TNNI3K: variants seen among roughly 807,000 people sequenced by gnomAD.
TNNI3K encodes TNNI3 interacting kinase.
In TNNI3K, 140 loss-of-function variants were observed where a neutral mutation model predicts 114.5. The observed-to-expected ratio is 1.22, with a 90% CI of 1.07 to 1.41. The LOEUF (loss-of-function observed/expected upper bound fraction) is 1.41, where lower values mean the gene tolerates loss of function less well. TNNI3K is among the 40% of genes most tolerant of loss of function. The probability of loss-of-function intolerance (pLI) is 0.00; values close to 1 mark genes in which losing one functional copy is unlikely to be tolerated. For missense variants in TNNI3K, 1,125 were observed against 1,007.6 expected, an observed-to-expected ratio of 1.12 and a Z score of -1.58; for synonymous variants, 347 against 347.5, an observed-to-expected ratio of 1.00 and a Z score of 0.02.
chr1:74,357,529 T>TA (rs1661729869), intron 11 of TNNI3K, among the ~76,000 whole-genome samples: 1 of 152,150 alleles, frequency 6.6e-6, no homozygotes. Context: ...CTGGAAGAGT[T>TA]ATATATTCTC....
At chr1:74,361,458 A>C (rs2100499884) in intron 11 of TNNI3K, among the ~76,000 whole-genome samples, 1 of 152,216 alleles carries the variant, frequency 6.6e-6, no homozygotes, top group South Asian at 2.1e-4. Context: ...AAAGTAAATA[A>C]TATTTCTTTT....
At chr1:74,318,079 G>A (rs1659416677) in intron 5 of TNNI3K, among the ~76,000 whole-genome samples, 1 of 152,166 alleles carries the variant, frequency 6.6e-6, no homozygotes, top group Non-Finnish European at 1.5e-5. Flanking sequence ...ACTCTCTAAA[G>A]ATAATAAACT....
In TNNI3K at chr1:74,524,190, T is replaced by TAGCATGCTAA. The variant is rs1646471783; in HGVS notation, c.2352-16043_2352-16042insGCATGCTAAA. Reference sequence around the variant, plus strand: ...TGTGAAAAGTCTTTAAAACACAGAGTAACCATGTAGCAATTACCATCAGAA... The same window carrying TAGCATGCTAA: ...TGTGAAAAGTCTTTAAAACACAGAGTAGCATGCTAAAACCATGTAGCAATTACCATCAGAA... On this transcript the variant is annotated intron_variant, in intron 23 of 24. Transcript: ENST00000326637. Among the ~76,000 whole-genome samples the TAGCATGCTAA allele has an allele frequency of 2.0e-5, 3 of 152,178 alleles. No homozygotes were observed. The South Asian group carries it at 6.2e-4, about 32-fold the overall frequency.
rs201330309 is a variant in TNNI3K at position 74,354,048 on chromosome 1, A to G, written c.1096A>G (p.Met366Val). 8.7e-6 allele frequency: 14 copies of G among 1,614,128 alleles called. No homozygotes were observed. The highest frequency in any genetic ancestry group is 2.2e-5 in the South Asian group (2 of 91,080). ...GTTCTTACTGGATAATGGAGCTGATATGAATCTAGTGGCTTGTGATCCCAG... is the reference window on the plus strand; with the variant it reads ...GTTCTTACTGGATAATGGAGCTGATGTGAATCTAGTGGCTTGTGATCCCAG... The part of the protein sequence containing the change: ...VQFLLDNGAD[M>V]NLVACDPSRS... The change falls in exon 11 of 25, where the codon ATG (methionine) becomes GTG (valine). Residue 366 changes from methionine to valine, a missense_variant. Met to Val is a conservative substitution (Grantham distance 21). Coordinates refer to ENST00000326637, the MANE Select transcript of TNNI3K (RefSeq NM_015978.3).
At chr1:74,463,899 T>C (rs1290084849) in intron 21 of TNNI3K, among the ~76,000 whole-genome samples, 1 of 152,180 alleles carries the variant, frequency 6.6e-6, no homozygotes, top group Non-Finnish European at 1.5e-5. Context: ...TGGATTTGTG[T>C]TGGCTTTTAA....
intron 19 of TNNI3K, 58 bp from the exon 20 acceptor site, chr1:74,439,432 C>A: frequency 6.3e-7 from 1 of 1,588,166 alleles, no homozygotes; most frequent in South Asian, 1.1e-5. Flanking sequence ...GAATGCTACT[C>A]TGCAGTGGAA....
At chr1:74,398,034 A>G (rs1664177217) in intron 17 of TNNI3K, among the ~76,000 whole-genome samples, 1 of 152,252 alleles carries the variant, frequency 6.6e-6, no homozygotes. Flanking sequence ...AAAACGTTTT[A>G]GAAAGCCTCC....
In TNNI3K at chr1:74,370,275, T is replaced by A. The variant is rs1372860421; in HGVS notation, c.1668-13T>A. 8 of 1,579,768 alleles carry A rather than the reference T, an allele frequency of 5.1e-6. No individual in the cohort carries two copies. Among genetic ancestry groups the A allele is most frequent in the Non-Finnish European group, 6.9e-6 (8 of 1,161,514 alleles). On this transcript the variant is annotated splice_polypyrimidine_tract_variant and intron_variant, in intron 16 of 24. Transcript: ENST00000326637. Reference sequence around the variant, plus strand: ...ACCATTTCATCTCTGTTAAATCTATTTTTAAATTCTAGGATTCTTGATTTG... The same window carrying A: ...ACCATTTCATCTCTGTTAAATCTATATTTAAATTCTAGGATTCTTGATTTG...
At chr1:74,460,056 C>T (rs959591875) in intron 20 of TNNI3K, among the ~76,000 whole-genome samples, 3 of 152,018 alleles carry the variant, frequency 2.0e-5, no homozygotes, top group Admixed American at 6.5e-5. Flanking sequence ...TAACTTTATG[C>T]TATCATATTT....
At chr1:74,433,700 A>G (rs1194824650) in intron 17 of TNNI3K, among the ~76,000 whole-genome samples, 1 of 152,016 alleles carries the variant, frequency 6.6e-6, no homozygotes, top group Non-Finnish European at 1.5e-5. Flanking sequence ...ACTGTTTTTT[A>G]TAAGAGTTCA....
chr1:74,438,125 A>G (rs1666219218), intron 19 of TNNI3K, among the ~76,000 whole-genome samples: 1 of 151,782 alleles, frequency 6.6e-6, no homozygotes, highest in Admixed American at 6.6e-5. Context: ...ATTTATTTTG[A>G]AAGCTGTTTT....
chr1:74,480,524 C>T lies in TNNI3K; in HGVS notation c.2122-8665C>T, dbSNP rs553736323. On this transcript the variant is annotated intron_variant, in intron 21 of 24. Transcript: ENST00000326637. ...CACTTCCTGTAGTTGAGGCAGGGGCCGGAAGGCATCTTTCCCAATGTAGGA... is the reference window on the plus strand; with the variant it reads ...CACTTCCTGTAGTTGAGGCAGGGGCTGGAAGGCATCTTTCCCAATGTAGGA... 15 of 717,442 alleles carry T rather than the reference C, an allele frequency of 2.1e-5. No homozygotes were observed. The East Asian group carries it at 3.0e-4, about 14-fold the overall frequency. 44.4% of individuals were successfully genotyped at this position (717,442 alleles called of 1,614,324 possible).
intron 17 of TNNI3K, among the ~76,000 whole-genome samples, chr1:74,418,550 T>A (rs1665244565): frequency 6.6e-6 from 1 of 152,096 alleles, no homozygotes. Context: ...CTATCTTTAT[T>A]TGAATATTAA....
At chr1:74,450,972 C>G (rs759552500) in intron 20 of TNNI3K, among the ~76,000 whole-genome samples, 4 of 152,064 alleles carry the variant, frequency 2.6e-5, no homozygotes, top group Non-Finnish European at 5.9e-5. Context: ...CAGCACTATT[C>G]ACAATAGCAA....
At chr1:74,451,934 T>G (rs144646612) in intron 20 of TNNI3K, among the ~76,000 whole-genome samples, 10 of 151,908 alleles carry the variant, frequency 6.6e-5, no homozygotes, top group African/African-American at 2.4e-4. Context: ...TGTTTTTGAC[T>G]GTTCTTTCTT....
intron 5 of TNNI3K, among the ~76,000 whole-genome samples, chr1:74,290,787 G>C (rs1356950003): frequency 6.6e-6 from 1 of 151,540 alleles, no homozygotes; most frequent in Non-Finnish European, 1.5e-5. Flanking sequence ...ACAATTAATG[G>C]CTACACACCT....
At chr1:74,446,391 G>A (rs1309154448) in intron 20 of TNNI3K, among the ~76,000 whole-genome samples, 136 of 149,980 alleles carry the variant, frequency 9.1e-4, no homozygotes, top group Non-Finnish European at 1.4e-3. Context: ...GGGGTTGTTT[G>A]TTTTTTTCTT....
At chr1:74,444,851 A>C (rs978831560) in intron 20 of TNNI3K, among the ~76,000 whole-genome samples, 9 of 151,944 alleles carry the variant, frequency 5.9e-5, no homozygotes, top group African/African-American at 2.2e-4. Flanking sequence ...CCAATGGAAG[A>C]GAACAAAGAA....
At chr1:74,278,978 A>G (rs1557470030) in intron 5 of TNNI3K, among the ~76,000 whole-genome samples, 1 of 151,476 alleles carries the variant, frequency 6.6e-6, no homozygotes, top group Non-Finnish European at 1.5e-5. Context: ...TTAGCAAAAC[A>G]GAAAAAGATA....
Sources: gnomAD v4.1 joint callset for allele counts (sites outside exome capture counted in the v4.1 genomes callset) on GRCh38, gnomAD v4.1.1 for gene constraint, MANE v1.5 for transcripts, NCBI Gene and HGNC (gene_info 2026-07-23, HGNC 2026-07-21) for gene names.